Variants in ITPK1 observed in about 807,000 individuals in gnomAD.
ITPK1 encodes inositol 1,3,4-trisphosphate 5/6-kinase.
A neutral mutation model predicts 45.3 loss-of-function variants in ITPK1; 21 were observed. That is an observed-to-expected ratio of 0.46 (90% confidence interval 0.33 to 0.67). The LOEUF (loss-of-function observed/expected upper bound fraction) is 0.67, where lower values mean the gene tolerates loss of function less well. ITPK1 is among the 30% of genes least tolerant of loss of function. The probability of loss-of-function intolerance (pLI) is 0.02; values close to 1 mark genes in which losing one functional copy is unlikely to be tolerated. For synonymous variants in ITPK1, 258 were observed against 253.6 expected (o/e 1.02, Z -0.16); for missense variants, 474 against 573.5 (o/e 0.83, Z 1.77).
intron 4 of ITPK1, among the ~76,000 whole-genome samples, chr14:92,996,153 G>A (rs1343506027): frequency 6.6e-6 from 1 of 152,188 alleles, no homozygotes; most frequent in Non-Finnish European, 1.5e-5. Flanking sequence ...AGGCTGAGGT[G>A]GGAGGATCAC....
chr14:93,091,483 T>C (rs1357563435), intron 2 of ITPK1, among the ~76,000 whole-genome samples: 1 of 152,202 alleles, frequency 6.6e-6, no homozygotes, highest in Non-Finnish European at 1.5e-5. Context: ...TTTTTAATCT[T>C]CAGGGCCTTT....
chr14:92,991,445 C>T (rs528977206), intron 5 of ITPK1, among the ~76,000 whole-genome samples: 71 of 152,218 alleles, frequency 4.7e-4, no homozygotes, highest in African/African-American at 1.7e-3. Context: ...GATCTAGAAC[C>T]AAGCATGCGT....
intron 3 of ITPK1, among the ~76,000 whole-genome samples, chr14:93,020,768 G>A (rs1025142582): frequency 1.3e-5 from 2 of 152,172 alleles, no homozygotes; most frequent in African/African-American, 2.4e-5. Context: ...GGGGAGGGCT[G>A]TGTGGCCACC....
intron 5 of ITPK1, among the ~76,000 whole-genome samples, chr14:92,979,169 T>A (rs1886095163): frequency 6.6e-6 from 1 of 152,226 alleles, no homozygotes; most frequent in Non-Finnish European, 1.5e-5. Flanking sequence ...GGTTTTGGAC[T>A]TGCATGGGGA....
intron 3 of ITPK1, among the ~76,000 whole-genome samples, chr14:93,033,049 G>A (rs1178107955): frequency 1.3e-5 from 2 of 152,228 alleles, no homozygotes; most frequent in Non-Finnish European, 1.5e-5. Context: ...CCCTGCCAGG[G>A]CTTGGGAAAG....
At chr14:93,029,286 C>A (rs8003441) in intron 3 of ITPK1, among the ~76,000 whole-genome samples, 1 of 152,052 alleles carries the variant, frequency 6.6e-6, no homozygotes, top group Non-Finnish European at 1.5e-5. Flanking sequence ...CTCACACTGC[C>A]CGCCCCTCAC....
intron 3 of ITPK1, among the ~76,000 whole-genome samples, chr14:93,044,809 GCAAGAAAAACCCGA>G: frequency 6.6e-6 from 1 of 152,304 alleles, no homozygotes; most frequent in Non-Finnish European, 1.5e-5. Context: ...AGAGGAAGAA[GCAAGAAAAACCCGA>G]CACCGTGACG....
rs775933893 is a variant in ITPK1 at position 93,097,235 on chromosome 14, A to C, written c.95+17834T>G. On this transcript the variant is annotated intron_variant, in intron 2 of 10. Coordinates refer to ENST00000267615, the MANE Select transcript of ITPK1 (RefSeq NM_014216.6). ...ATCCAGGCCCTTTGCAATGACTTTG[A>C]CACCTCCGCCAAGGGGTAAAGTTTA... Among the ~76,000 whole-genome samples the C allele has an allele frequency of 3.9e-5, 6 of 152,158 alleles. No individual in the cohort carries two copies. In the East Asian group the frequency reaches 7.7e-4, roughly 20 times the overall value.
intron 3 of ITPK1, among the ~76,000 whole-genome samples, chr14:93,058,039 G>A (rs1029128866): frequency 6.6e-6 from 1 of 152,150 alleles, no homozygotes; most frequent in African/African-American, 2.4e-5. Context: ...CGCAGAAGAG[G>A]TCAAAGACTT....
chr14:93,114,712 A>C (rs1892870045), intron 2 of ITPK1, among the ~76,000 whole-genome samples: 1 of 152,034 alleles, frequency 6.6e-6, no homozygotes, highest in African/African-American at 2.4e-5. Flanking sequence ...TCCGGTCCAA[A>C]AGTACCCTCA....
At chr14:93,058,681 T>C (rs1482797325) in intron 3 of ITPK1, among the ~76,000 whole-genome samples, 1 of 1,036 alleles carries the variant, frequency 9.7e-4, no homozygotes, top group Non-Finnish European at 1.5e-3. Context: ...GTGCGGGTTA[T>C]GAGGTGGGGT....
At chr14:92,990,005 AG>A (rs1235857001) in intron 5 of ITPK1, among the ~76,000 whole-genome samples, 5 of 152,190 alleles carry the variant, frequency 3.3e-5, no homozygotes, top group Non-Finnish European at 4.4e-5. Flanking sequence ...GCCATGGGAA[AG>A]TTGGGTCCTC....
At chr14:93,023,714 T>C (rs1888582824) in intron 3 of ITPK1, among the ~76,000 whole-genome samples, 1 of 152,144 alleles carries the variant, frequency 6.6e-6, no homozygotes, top group Non-Finnish European at 1.5e-5. Context: ...TTATTAGTAT[T>C]TGGATGAGAG....
intron 5 of ITPK1, among the ~76,000 whole-genome samples, chr14:92,981,452 A>T (rs1320232459): frequency 1.3e-5 from 2 of 152,058 alleles, no homozygotes; most frequent in East Asian, 3.9e-4. Flanking sequence ...AGTATTTCAG[A>T]GCCGCTCCAA....
chr14:92,983,175 G>A (rs537741365), intron 5 of ITPK1, among the ~76,000 whole-genome samples: 19 of 152,296 alleles, frequency 1.2e-4, no homozygotes, highest in Admixed American at 3.9e-4. Flanking sequence ...TTCTGCGCCC[G>A]ATGTCTGAGT....
chr14:92,985,027 T>C (rs1259433991), intron 5 of ITPK1, among the ~76,000 whole-genome samples: 5 of 152,302 alleles, frequency 3.3e-5, no homozygotes, highest in Non-Finnish European at 7.4e-5. Context: ...GACATCGTTG[T>C]CCTCATGCAC....
rs544473421 is a variant in ITPK1 at position 92,997,371 on chromosome 14, A to G, written c.247-3374T>C. Among the ~76,000 whole-genome samples, 5 of 152,360 alleles carry G rather than the reference A, an allele frequency of 3.3e-5. No homozygotes were observed. The South Asian group carries it at 1.0e-3, about 32-fold the overall frequency. On this transcript the variant is annotated intron_variant, in intron 4 of 10. Transcript: ENST00000267615. ...CAAACTCATGAGGGAAAGCGGCTAC[A>G]TGAAACCAAAGGGGAAAACATCTGA...
At chr14:92,968,715 G>A (rs1200672622) in intron 5 of ITPK1, among the ~76,000 whole-genome samples, 1 of 152,338 alleles carries the variant, frequency 6.6e-6, no homozygotes, top group East Asian at 1.9e-4. Context: ...GCAGGAATTG[G>A]GTGGCCAGGA....
chr14:93,036,035 T>C lies in ITPK1; in HGVS notation c.121-19234A>G, dbSNP rs2139900541. 6.6e-6 allele frequency among the ~76,000 whole-genome samples: 1 copy of C among 152,258 alleles called. No homozygotes were observed. Among genetic ancestry groups the C allele is most frequent in the African/African-American group, 2.4e-5 (1 of 41,550 alleles). The stretch of plus-strand genomic sequence containing the variant: ...AATTCCTGAGGAGCATCCTCAGAGT[T>C]TGGAAACAGGTGGGAGGAGCACTCG... On this transcript the variant is annotated intron_variant, in intron 3 of 10. Transcript: ENST00000267615. This position sits in a 1 kb window ranked among gnomAD's most constrained non-coding sequence, Gnocchi z 4.1.
Sources: gnomAD v4.1 joint callset for allele counts (sites outside exome capture counted in the v4.1 genomes callset) on GRCh38, gnomAD v4.1.1 for gene constraint, Gnocchi (gnomAD v3.1) non-coding constraint, MANE v1.5 for transcripts, NCBI Gene and HGNC (gene_info 2026-07-23, HGNC 2026-07-21) for gene names.